Variants in ADAMTSL1 observed in about 807,000 individuals in gnomAD.
ADAMTSL1 encodes ADAMTS like 1, also known as ADAMTS-like protein 1.
A neutral mutation model predicts 201.8 loss-of-function variants in ADAMTSL1; 126 were observed. The observed-to-expected ratio is 0.62, with a 90% CI of 0.54 to 0.72. The LOEUF is 0.72. Among genes scored for constraint, ADAMTSL1 ranks in the 30% least tolerant of loss-of-function variants. ADAMTSL1 has a pLI of 0.00. For missense variants in ADAMTSL1, 2,679 were observed against 2,277.8 expected, an observed-to-expected ratio of 1.18 and a Z score of -3.59; for synonymous variants, 1,121 against 903.4, an observed-to-expected ratio of 1.24 and a Z score of -4.32.
At chr9:18,452,172 G>A (rs1296166139) in intron 2 of ADAMTSL1, among the ~76,000 whole-genome samples, 2 of 151,856 alleles carry the variant, frequency 1.3e-5, no homozygotes, top group Admixed American at 6.6e-5. Context: ...CTCAGCCTCC[G>A]AAAGTGCTGG....
intron 2 of ADAMTSL1, among the ~76,000 whole-genome samples, chr9:18,293,523 C>A (rs539283566): frequency 5.3e-5 from 8 of 152,248 alleles, no homozygotes; most frequent in African/African-American, 1.7e-4. Context: ...CCCTGGGTGC[C>A]AAGCTCAGCG....
At chr9:18,401,506 TAGAGGGACAGTATCTGA>T (rs1195629965) in intron 2 of ADAMTSL1, among the ~76,000 whole-genome samples, 2 of 152,054 alleles carry the variant, frequency 1.3e-5, no homozygotes, top group Non-Finnish European at 2.9e-5. Flanking sequence ...TGGGAGAGAG[TAGAGGGACAGTATCTGA>T]AGAGGCCTTC....
intron 2 of ADAMTSL1, among the ~76,000 whole-genome samples, chr9:18,199,889 A>G (rs1019209048): frequency 9.1e-5 from 13 of 143,576 alleles, no homozygotes; most frequent in African/African-American, 3.0e-4. Context: ...TAAACTTGCT[A>G]AATTTTTTTT....
At chr9:18,085,912 G>C (rs566473531) in intron 1 of ADAMTSL1, among the ~76,000 whole-genome samples, 1 of 152,132 alleles carries the variant, frequency 6.6e-6, no homozygotes, top group Non-Finnish European at 1.5e-5. Flanking sequence ...AGAGATGATA[G>C]TGGCTCAGGC....
intron 1 of ADAMTSL1, among the ~76,000 whole-genome samples, chr9:18,055,665 G>T (rs992268248): frequency 6.6e-6 from 1 of 152,180 alleles, no homozygotes; most frequent in East Asian, 1.9e-4. Context: ...TCACCTAATC[G>T]CAGGGGCGCT....
rs145854477 is a variant in ADAMTSL1 at position 18,644,038 on chromosome 9, T to C, written c.834+4627T>C. On this transcript the variant is annotated intron_variant, in intron 7 of 28. Transcript: ENST00000380548. ...CATGATATCTTTCCATTAATTTGTG[T>C]TTTCTTCAATTTTTTCATCAATCTT... Among the ~76,000 whole-genome samples, 121 of 152,150 alleles carry C rather than the reference T, an allele frequency of 8.0e-4. No individual in the cohort carries two copies. The Middle Eastern group carries it at 0.01, about 13-fold the overall frequency.
chr9:18,552,019 TG>T (rs1475917353), intron 3 of ADAMTSL1, among the ~76,000 whole-genome samples: 1 of 151,926 alleles, frequency 6.6e-6, no homozygotes, highest in Non-Finnish European at 1.5e-5. Context: ...CATCATTTAA[TG>T]AAATTTGTCA....
At chr9:18,779,177 A>G (rs568669911) in intron 19 of ADAMTSL1, among the ~76,000 whole-genome samples, 1 of 152,360 alleles carries the variant, frequency 6.6e-6, no homozygotes, top group South Asian at 2.1e-4. Context: ...ACATTTTAGT[A>G]AGAGCTGAAA....
chr9:18,858,110 C>T (rs1377831957), intron 23 of ADAMTSL1, among the ~76,000 whole-genome samples: 1 of 152,082 alleles, frequency 6.6e-6, no homozygotes, highest in Non-Finnish European at 1.5e-5. Context: ...CTAATATAAT[C>T]ATTTCTATAT....
chr9:18,461,261 T>A (rs1820796223), intron 2 of ADAMTSL1, among the ~76,000 whole-genome samples: 1 of 152,202 alleles, frequency 6.6e-6, no homozygotes, highest in Non-Finnish European at 1.5e-5. Flanking sequence ...TATGTTATTG[T>A]TGATAGGAAT....
At chr9:18,302,104 C>T (rs1463131920) in intron 2 of ADAMTSL1, among the ~76,000 whole-genome samples, 1 of 152,120 alleles carries the variant, frequency 6.6e-6, no homozygotes, top group Non-Finnish European at 1.5e-5. Context: ...TCAAAAGGCC[C>T]TATATTATGT....
chr9:18,869,742 A>C (rs1339583674), intron 23 of ADAMTSL1, among the ~76,000 whole-genome samples: 1 of 152,062 alleles, frequency 6.6e-6, no homozygotes, highest in Non-Finnish European at 1.5e-5. Flanking sequence ...CTGGCTTTCA[A>C]TATTTTTTCT....
chr9:18,151,058 C>G (rs563312659), intron 1 of ADAMTSL1, among the ~76,000 whole-genome samples: 2 of 152,058 alleles, frequency 1.3e-5, no homozygotes, highest in Non-Finnish European at 2.9e-5. Flanking sequence ...AACTCAGATT[C>G]TTGATTCTGG....
intron 15 of ADAMTSL1, among the ~76,000 whole-genome samples, chr9:18,748,768 G>A (rs955163818): frequency 6.6e-6 from 1 of 152,138 alleles, no homozygotes; most frequent in African/African-American, 2.4e-5. Context: ...TGAGGTTCTG[G>A]TCGTGTATTC....
intron 1 of ADAMTSL1, among the ~76,000 whole-genome samples, chr9:17,933,106 A>G (rs991805548): frequency 1.3e-5 from 2 of 152,132 alleles, no homozygotes; most frequent in Non-Finnish European, 2.9e-5. Flanking sequence ...GCTTAAAACA[A>G]GAAAAAATTA....
intron 2 of ADAMTSL1, among the ~76,000 whole-genome samples, chr9:18,367,041 A>G (rs961872575): frequency 2.0e-5 from 3 of 152,216 alleles, no homozygotes; most frequent in African/African-American, 7.2e-5. Flanking sequence ...GTATTTAAAT[A>G]GTAACATTTC....
chr9:18,305,097 A>C (rs73428956), intron 2 of ADAMTSL1, among the ~76,000 whole-genome samples: 12 of 152,072 alleles, frequency 7.9e-5, no homozygotes, highest in Non-Finnish European at 1.6e-4. Context: ...CCGGGAAAGT[A>C]CAAGTGGTCA....
chr9:18,230,700 G>C (rs1830615759), intron 2 of ADAMTSL1, among the ~76,000 whole-genome samples: 1 of 152,078 alleles, frequency 6.6e-6, no homozygotes, highest in Non-Finnish European at 1.5e-5. Flanking sequence ...AATACAGAAA[G>C]TCTCAAACAT....
At chr9:18,428,629 A>C (rs955346173) in intron 2 of ADAMTSL1, among the ~76,000 whole-genome samples, 4 of 152,118 alleles carry the variant, frequency 2.6e-5, no homozygotes, top group African/African-American at 9.7e-5. Flanking sequence ...AACAAAAAAC[A>C]AGAAAAACAC....
Sources: gnomAD v4.1 joint callset for allele counts (sites outside exome capture counted in the v4.1 genomes callset) on GRCh38, gnomAD v4.1.1 for gene constraint, MANE v1.5 for transcripts, NCBI Gene and HGNC (gene_info 2026-07-23, HGNC 2026-07-21) for gene names.